The following COP1 variants were observed in gnomAD, a reference collection of about 807,000 sequenced individuals.
The protein encoded by COP1 is COP1 E3 ubiquitin ligase, also known as E3 ubiquitin-protein ligase COP1.
Under a neutral mutation model 101.3 loss-of-function variants are expected in COP1, and 24 were observed. The ratio of observed to expected loss-of-function variants is 0.24; its 90% CI spans 0.17 to 0.33. The LOEUF is 0.33. COP1 is among the 10% of genes least tolerant of loss of function. COP1 has a pLI of 1.00. For missense variants in COP1, 663 were observed against 906.2 expected, an observed-to-expected ratio of 0.73 and a Z score of 3.45; for synonymous variants, 347 against 341.9, an observed-to-expected ratio of 1.01 and a Z score of -0.17.
At chr1:176,140,046 A>G (rs900308432) in intron 6 of COP1, among the ~76,000 whole-genome samples, 1 of 152,212 alleles carries the variant, frequency 6.6e-6, no homozygotes, top group African/African-American at 2.4e-5. Context: ...TTGAAATCAA[A>G]TTAATTTTTA....
chr1:175,968,117 G>A (rs1652441161), intron 18 of COP1, among the ~76,000 whole-genome samples: 1 of 152,144 alleles, frequency 6.6e-6, no homozygotes, highest in Admixed American at 6.6e-5. Context: ...TGATCCATCT[G>A]CCTCAACCTC....
chr1:176,086,459 C>T (rs971767142), intron 9 of COP1, among the ~76,000 whole-genome samples: 13 of 152,178 alleles, frequency 8.5e-5, no homozygotes, highest in African/African-American at 3.1e-4. Context: ...ATCTCCTGAC[C>T]TCATGATCCA....
intron 8 of COP1, among the ~76,000 whole-genome samples, chr1:176,122,054 G>A (rs1687219593): frequency 6.6e-6 from 1 of 151,428 alleles, no homozygotes; most frequent in Non-Finnish European, 1.5e-5. Context: ...GCAGGAGAAT[G>A]GTGTGAACCT....
intron 18 of COP1, among the ~76,000 whole-genome samples, chr1:175,949,382 G>C (rs1649599410): frequency 6.6e-6 from 1 of 151,950 alleles, no homozygotes. Flanking sequence ...GGTTGGAGTA[G>C]GTTCTGGATG....
At chr1:176,147,849 G>C (rs1406764554) in intron 6 of COP1, among the ~76,000 whole-genome samples, 1 of 152,170 alleles carries the variant, frequency 6.6e-6, no homozygotes, top group East Asian at 1.9e-4. Context: ...CAGATTGCCA[G>C]GCTCCAACAG....
chr1:176,032,407 T>A lies in COP1; in HGVS notation c.1613-4719A>T, dbSNP rs111810444. On this transcript the variant is annotated intron_variant, in intron 14 of 19. Transcript: ENST00000367669. Reference sequence around the variant, plus strand: ...AGGGAAACAACAGACCATGTATTAGTAGCTAGACGTTGTCATACAGCAAAC... The same window carrying A: ...AGGGAAACAACAGACCATGTATTAGAAGCTAGACGTTGTCATACAGCAAAC... Among the ~76,000 whole-genome samples the A allele has an allele frequency of 6.6e-5, 10 of 152,344 alleles. No individual in the cohort carries two copies. The East Asian group carries it at 1.9e-3, about 29-fold the overall frequency.
chr1:176,126,344 C>T (rs1170938758), intron 8 of COP1, among the ~76,000 whole-genome samples: 1 of 152,220 alleles, frequency 6.6e-6, no homozygotes, highest in Non-Finnish European at 1.5e-5. Flanking sequence ...GTATGACTAA[C>T]TGTAGGTTTG....
chr1:176,177,937 C>A (rs894518147), intron 2 of COP1, among the ~76,000 whole-genome samples: 1 of 152,030 alleles, frequency 6.6e-6, no homozygotes, highest in African/African-American at 2.4e-5. Flanking sequence ...ATCACAGGGA[C>A]CTAAAGACTG....
chr1:176,149,156 T>A, intron 5 of COP1, 82 bp from the exon 6 acceptor site: 5 of 734,712 alleles, frequency 6.8e-6, no homozygotes, highest in Non-Finnish European at 8.4e-6. Context: ...ATAAACAGTA[T>A]GAAGCAAATT....
rs569708529 is a variant in COP1 at position 176,170,118 on chromosome 1, T to C, written c.565+5792A>G. 2.5e-3 allele frequency among the ~76,000 whole-genome samples: 382 copies of C among 152,342 alleles called. 2 individuals carry two copies. The highest frequency in any genetic ancestry group is 9.0e-3 in the African/African-American group (373 of 41,582). On this transcript the variant is annotated intron_variant, in intron 3 of 19. Transcript: ENST00000367669. Reference sequence around the variant, plus strand: ...CAGGCTCCATTTCTAATTCTAGCTCTCTGGCTACTTCCTCCACATATGCAG... The same window carrying C: ...CAGGCTCCATTTCTAATTCTAGCTCCCTGGCTACTTCCTCCACATATGCAG...
chr1:176,156,234 A>C (rs187537158), intron 5 of COP1, among the ~76,000 whole-genome samples: 164 of 152,242 alleles, frequency 1.1e-3, no homozygotes, highest in African/African-American at 3.2e-3. Flanking sequence ...AGCATACTAT[A>C]AACTGTGTGG....
chr1:176,144,729 C>A (rs1691296640), intron 6 of COP1, among the ~76,000 whole-genome samples: 1 of 152,096 alleles, frequency 6.6e-6, no homozygotes, highest in Non-Finnish European at 1.5e-5. Context: ...CCCACACATA[C>A]ATGGACACAT....
At chr1:176,116,705 G>A in intron 8 of COP1, 24 bp from the exon 9 acceptor site, 4 of 1,520,926 alleles carry the variant, frequency 2.6e-6, no homozygotes, top group Non-Finnish European at 2.7e-6. Context: ...AGAAAAAAAT[G>A]TGATTTCAGT....
rs541640602 is a variant in COP1, at chr1:176,030,108, C to T, written c.1613-2420G>A. ...CTGGGACTACAGATGCACACCACCACGCCTGGCTAATATATTTTTTTTAAA... is the reference window on the plus strand; with the variant it reads ...CTGGGACTACAGATGCACACCACCATGCCTGGCTAATATATTTTTTTTAAA... On this transcript the variant is annotated intron_variant, in intron 14 of 19. Transcript: ENST00000367669. Among the ~76,000 whole-genome samples the T allele has an allele frequency of 5.3e-4, 80 of 152,198 alleles. 1 individual carries two copies. Among genetic ancestry groups the T allele is most frequent in the East Asian group, 3.7e-3 (19 of 5,182 alleles).
intron 15 of COP1, among the ~76,000 whole-genome samples, chr1:176,017,958 C>T (rs996112376): frequency 1.3e-5 from 2 of 152,120 alleles, no homozygotes; most frequent in Admixed American, 6.5e-5. Flanking sequence ...GCTAAGTATC[C>T]GTTACACAAA....
At chr1:176,052,630 G>A (rs1276432441) in intron 11 of COP1, among the ~76,000 whole-genome samples, 2 of 152,042 alleles carry the variant, frequency 1.3e-5, no homozygotes, top group Non-Finnish European at 2.9e-5. Context: ...AAAAATTTAT[G>A]TAGGCAATGG....
chr1:176,199,549 T>C (rs747914717), intron 1 of COP1, among the ~76,000 whole-genome samples: 6 of 152,040 alleles, frequency 3.9e-5, no homozygotes, highest in Non-Finnish European at 7.4e-5. Flanking sequence ...AGCAAATATA[T>C]AAGCAGTTCA....
intron 14 of COP1, among the ~76,000 whole-genome samples, chr1:176,040,206 G>A (rs150308471): frequency 1.3e-5 from 2 of 152,062 alleles, no homozygotes; most frequent in African/African-American, 4.8e-5. Context: ...GAAATTCAAG[G>A]ACAATTTTTC....
chr1:176,152,017 TAG>T (rs955805619), intron 5 of COP1, among the ~76,000 whole-genome samples: 1 of 151,488 alleles, frequency 6.6e-6, no homozygotes, highest in African/African-American at 2.4e-5. Flanking sequence ...TTTAGAAATA[TAG>T]AATTGTTGGC....
Sources: gnomAD v4.1 joint callset for allele counts (sites outside exome capture counted in the v4.1 genomes callset) on GRCh38, gnomAD v4.1.1 for gene constraint, MANE v1.5 for transcripts, NCBI Gene and HGNC (gene_info 2026-07-23, HGNC 2026-07-21) for gene names.